NCAPD3: variants seen among roughly 807,000 people sequenced by gnomAD.
The protein encoded by NCAPD3 is non-SMC condensin II complex subunit D3.
NCAPD3 carries 105 observed loss-of-function variants against 182.9 expected under a neutral mutation model. The ratio of observed to expected loss-of-function variants is 0.57; its 90% CI spans 0.49 to 0.68. The LOEUF is 0.68. Ranked by LOEUF, NCAPD3 falls within the 30% of genes least tolerant of loss-of-function variation. The pLI is 0.00. For missense variants in NCAPD3, 1,944 were observed against 1,837.0 expected, an observed-to-expected ratio of 1.06 and a Z score of -1.07; for synonymous variants, 815 against 679.9, an observed-to-expected ratio of 1.20 and a Z score of -3.09.
Position 134,158,371 on chromosome 11 carries a change from G to T in NCAPD3, c.3992C>A (p.Thr1331Lys). The part of the protein sequence containing the change: ...SAGHVAVSSP[T>K]PETGPLQRLL... ...CCTCTGCAATGGCCCTGTTTCAGGT[G>T]TAGGAGATGATACTGCTACATGGCC... is the stretch of plus-strand genomic sequence containing the variant. The change falls in exon 30 of 35, where the codon ACA (threonine) becomes AAA (lysine). Residue 1331 changes from threonine (T) to lysine (K), a missense_variant. By Grantham distance (78) the Thr-to-Lys change is moderately conservative. Transcript: ENST00000534548. The T allele has an allele frequency of 6.2e-7, 1 of 1,614,238 alleles. No individual in the cohort carries two copies. Among genetic ancestry groups the T allele is most frequent in the Non-Finnish European group, 8.5e-7 (1 of 1,180,044 alleles).
At chr11:134,170,238 T>C (rs1458348267) in intron 24 of NCAPD3, among the ~76,000 whole-genome samples, 1 of 152,096 alleles carries the variant, frequency 6.6e-6, no homozygotes, top group Non-Finnish European at 1.5e-5. Flanking sequence ...ACAAAATAAA[T>C]AAAACTCTAT....
intron 7 of NCAPD3, among the ~76,000 whole-genome samples, chr11:134,207,962 G>C (rs776955387): frequency 6.6e-6 from 1 of 152,114 alleles, no homozygotes; most frequent in Admixed American, 6.5e-5. Context: ...CATTGTGCTC[G>C]GTAGGCGGCC....
chr11:134,206,003 G>T (rs1370992357), intron 8 of NCAPD3, among the ~76,000 whole-genome samples: 1 of 152,130 alleles, frequency 6.6e-6, no homozygotes, highest in African/African-American at 2.4e-5. Flanking sequence ...ATCAGTGAAG[G>T]AGGGAAGGAA....
chr11:134,164,864 G>A (rs914424618), intron 27 of NCAPD3, among the ~76,000 whole-genome samples: 1 of 150,456 alleles, frequency 6.6e-6, no homozygotes, highest in Admixed American at 6.6e-5. Context: ...ATGAGCTTGA[G>A]GGAGCTACAT....
In NCAPD3 at chr11:134,153,386, T is replaced by G. The variant is rs566053021; in HGVS notation, c.4253-23A>C. 272 of 1,606,458 alleles carry G rather than the reference T, an allele frequency of 1.7e-4. 3 individuals are homozygous for G. In the South Asian group the frequency reaches 2.9e-3, roughly 17 times the overall value. Reference sequence around the variant, plus strand: ...TCTCTGCATAAAGAGGAGACACCACTGAGTGAAAGCCGCGTGGTCTATCGG... The same window carrying G: ...TCTCTGCATAAAGAGGAGACACCACGGAGTGAAAGCCGCGTGGTCTATCGG... On this transcript the variant is annotated intron_variant, in intron 32 of 34. Transcript: ENST00000534548.
At chr11:134,160,100 T>G in intron 28 of NCAPD3, 26 bp from the exon 29 acceptor site, 1 of 1,607,754 alleles carries the variant, frequency 6.2e-7, no homozygotes, top group Non-Finnish European at 8.5e-7. Flanking sequence ...GAGCATCCTT[T>G]CATGTTTTCT....
chr11:134,209,599 T>C (rs867278631), intron 4 of NCAPD3, 122 bp from the exon 5 acceptor site: 5 of 903,842 alleles, frequency 5.5e-6, no homozygotes, highest in South Asian at 1.7e-5. Flanking sequence ...TGAGGTGATA[T>C]GACTTTGACC....
chr11:134,168,050 G>A lies in NCAPD3; in HGVS notation c.3519C>T (p.Asp1173=), dbSNP rs1170857908. ...PDKDLLMEED[D]MALANVVMQE... ...GCATGACTACATTTGCCAAGGCCAT[G>A]TCATCTTCTTCCATAAGGAGGTCTT... The change falls in exon 27 of 35, where the codon GAC becomes GAT. Residue 1173 remains aspartate, a synonymous_variant. Transcript: ENST00000534548. The A allele has an allele frequency of 1.2e-6, 2 of 1,614,126 alleles. No individual in the cohort carries two copies. Among genetic ancestry groups the A allele is most frequent in the East Asian group, 2.2e-5 (1 of 44,886 alleles).
chr11:134,224,029 T>C, upstream of NCAPD3: 3 of 1,387,776 alleles, frequency 2.2e-6, no homozygotes, highest in Admixed American at 4.0e-5. Context: ...GTACAGAATT[T>C]CCCACTGGCC....
intron 7 of NCAPD3, 30 bp downstream of exon 7, chr11:134,208,834 G>C: frequency 6.6e-7 from 1 of 1,516,230 alleles, no homozygotes; most frequent in Non-Finnish European, 9.1e-7. Context: ...GATTCAACTA[G>C]TAACCAAATT....
At position 134,153,049 on chromosome 11, in the gene NCAPD3, G is replaced by T. The variant is rs201978239; in HGVS notation, c.4392C>A (p.Pro1464=). The stretch of plus-strand genomic sequence containing the variant: ...GCACATTCCACTGCTGAGGCTGTGG[G>T]GGCCTAGGGAAAGGACATGTGCAGT... The part of the protein sequence containing the change: ...ILCLSLPDKP[P]PQPQQWNVRS... The change falls in exon 35 of 35, where the codon CCC becomes CCA. Residue 1464 remains proline (P), a synonymous_variant. Coordinates refer to ENST00000534548, the MANE Select transcript of NCAPD3 (RefSeq NM_015261.3). 1.2e-6 allele frequency: 2 copies of T among 1,603,496 alleles called. No homozygotes were observed. Among genetic ancestry groups the T allele is most frequent in the Non-Finnish European group, 1.7e-6 (2 of 1,172,522 alleles).
intron 32 of NCAPD3, among the ~76,000 whole-genome samples, chr11:134,154,796 CTG>C (rs992933105): frequency 1.7e-4 from 26 of 152,378 alleles, no homozygotes; most frequent in African/African-American, 6.0e-4. Context: ...TGAGTATGGA[CTG>C]TGTCTTCCCA....
At chr11:134,167,732 T>C (rs1943891847) in intron 27 of NCAPD3, among the ~76,000 whole-genome samples, 1 of 132,262 alleles carries the variant, frequency 7.6e-6, no homozygotes, top group Non-Finnish European at 1.6e-5. Context: ...AGGCGCACAC[T>C]CGTGAGATGA....
intron 32 of NCAPD3, 154 bp from the exon 33 acceptor site, chr11:134,153,517 G>A (rs1706008219): frequency 1.3e-6 from 1 of 741,228 alleles, no homozygotes; most frequent in African/African-American, 1.7e-5. Flanking sequence ...GCCTGGCAGT[G>A]TTGAGGGCCC....
intron 31 of NCAPD3, 104 bp from the exon 32 acceptor site, chr11:134,157,199 A>G: frequency 1.2e-6 from 1 of 825,086 alleles, no homozygotes; most frequent in African/African-American, 1.7e-5. Flanking sequence ...AGTCAAAATC[A>G]CTAGTGTTTA....
chr11:134,194,633 TA>T (rs753066914), intron 14 of NCAPD3, 31 bp downstream of exon 14: 52,966 of 1,002,128 alleles, frequency 0.053, no homozygotes, highest in South Asian at 0.089. Flanking sequence ...TTTTAGTGCT[TA>T]AAAAAAAAAA....
At chr11:134,212,440 C>T (rs1591862585) in intron 3 of NCAPD3, among the ~76,000 whole-genome samples, 2 of 150,032 alleles carry the variant, frequency 1.3e-5, no homozygotes, top group African/African-American at 5.0e-5. Context: ...GTTGCCCAGG[C>T]TGAAGTACAG....
intron 32 of NCAPD3, among the ~76,000 whole-genome samples, chr11:134,155,788 G>T (rs1943402082): frequency 6.7e-6 from 1 of 150,324 alleles, no homozygotes; most frequent in African/African-American, 2.5e-5. Context: ...CATCGCACCT[G>T]TCCACGACGC....
chr11:134,221,076 G>C (rs756127541), intron 1 of NCAPD3, among the ~76,000 whole-genome samples: 1 of 152,200 alleles, frequency 6.6e-6, no homozygotes, highest in Non-Finnish European at 1.5e-5. Flanking sequence ...GATTGCCCAC[G>C]AGGTTCCTTT....
Sources: gnomAD v4.1 joint callset for allele counts (sites outside exome capture counted in the v4.1 genomes callset) on GRCh38, gnomAD v4.1.1 for gene constraint, MANE v1.5 for transcripts, NCBI Gene and HGNC (gene_info 2026-07-23, HGNC 2026-07-21) for gene names.